Variants in DLG2 observed in about 807,000 individuals in gnomAD.
The protein encoded by DLG2 is discs large MAGUK scaffold protein 2.
In DLG2, 45 loss-of-function variants were observed where a neutral mutation model predicts 132.5. The ratio of observed to expected loss-of-function variants is 0.34; its 90% CI spans 0.27 to 0.44. The LOEUF (loss-of-function observed/expected upper bound fraction) is 0.44. DLG2 is among the 20% of genes least tolerant of loss of function. DLG2 has a pLI of 1.00. For synonymous variants in DLG2, 424 were observed against 419.6 expected (o/e 1.01, Z -0.13); for missense variants, 1,045 against 1,196.9 (o/e 0.87, Z 1.87).
intron 16 of DLG2, among the ~76,000 whole-genome samples, chr11:83,870,585 C>T (rs1303565776): frequency 1.3e-5 from 2 of 152,064 alleles, no homozygotes; most frequent in African/African-American, 4.8e-5. Flanking sequence ...GAAACTGTGC[C>T]CCAAACTAGC....
intron 3 of DLG2, among the ~76,000 whole-genome samples, chr11:85,459,231 G>A (rs894006899): frequency 5.9e-5 from 9 of 152,296 alleles, no homozygotes; most frequent in Admixed American, 2.0e-4. Flanking sequence ...GACTTCAGGA[G>A]CTCTACCTCA....
intron 3 of DLG2, among the ~76,000 whole-genome samples, chr11:85,483,781 TAAAAATACA>T (rs1249300203): frequency 6.7e-6 from 1 of 149,472 alleles, no homozygotes; most frequent in East Asian, 2.0e-4. Context: ...CTGTCTCTAC[TAAAAATACA>T]AAAATTAGCC....
intron 10 of DLG2, among the ~76,000 whole-genome samples, chr11:84,087,053 C>T (rs2096996206): frequency 6.6e-6 from 1 of 152,156 alleles, no homozygotes; most frequent in Non-Finnish European, 1.5e-5. Context: ...TATCCATTCA[C>T]CCATCAATGG....
intron 3 of DLG2, among the ~76,000 whole-genome samples, chr11:85,559,814 TGATTGATA>T (rs1421737762): frequency 8.7e-6 from 1 of 115,452 alleles, no homozygotes; most frequent in African/African-American, 3.1e-5. Flanking sequence ...ATTAGTTAGA[TGATTGATA>T]GATAGATAGA....
intron 27 of DLG2, 96 bp downstream of exon 27, chr11:83,461,906 T>G: frequency 1.2e-6 from 1 of 817,034 alleles, no homozygotes; most frequent in Non-Finnish European, 2.1e-6. Context: ...CAGGAAGGTT[T>G]TAGGGCACAA....
chr11:84,971,302 GAC>G (rs201489238), intron 6 of DLG2, among the ~76,000 whole-genome samples: 1,614 of 152,314 alleles, frequency 0.011, 32 homozygotes, highest in African/African-American at 0.037. Flanking sequence ...AATCAAGCTA[GAC>G]ATGTAACGTT....
intron 3 of DLG2, among the ~76,000 whole-genome samples, chr11:85,573,423 C>G (rs1483459499): frequency 2.0e-5 from 3 of 152,072 alleles, no homozygotes; most frequent in African/African-American, 7.2e-5. Context: ...ATTAGGAGTA[C>G]TGGGATGGTC....
At chr11:84,720,646 T>C (rs2061714108) in intron 6 of DLG2, among the ~76,000 whole-genome samples, 1 of 151,014 alleles carries the variant, frequency 6.6e-6, no homozygotes, top group South Asian at 2.1e-4. Context: ...CCCCCTACGG[T>C]GAATTTGGGG....
chr11:84,048,464 C>T (rs1002698635), intron 11 of DLG2, among the ~76,000 whole-genome samples: 1 of 151,638 alleles, frequency 6.6e-6, no homozygotes, highest in Non-Finnish European at 1.5e-5. Context: ...TTGAACAAAT[C>T]ATTGTTCCAG....
At chr11:84,567,296 C>CA (rs1035221385) in intron 6 of DLG2, among the ~76,000 whole-genome samples, 1 of 152,100 alleles carries the variant, frequency 6.6e-6, no homozygotes, top group Admixed American at 6.6e-5. Context: ...TCTGAAAATT[C>CA]AAATTACTGT....
intron 19 of DLG2, among the ~76,000 whole-genome samples, chr11:83,581,158 A>G (rs1241111891): frequency 6.6e-6 from 1 of 151,968 alleles, no homozygotes; most frequent in East Asian, 1.9e-4. Context: ...CCTATGCCCA[A>G]TATGTGTTGG....
chr11:84,649,344 T>G (rs1023030528), intron 6 of DLG2, among the ~76,000 whole-genome samples: 1 of 152,190 alleles, frequency 6.6e-6, no homozygotes, highest in African/African-American at 2.4e-5. Context: ...TAAAATGAAC[T>G]ATGATACTCA....
intron 3 of DLG2, among the ~76,000 whole-genome samples, chr11:85,497,962 C>G (rs1174859439): frequency 6.6e-6 from 1 of 152,158 alleles, no homozygotes; most frequent in Non-Finnish European, 1.5e-5. Flanking sequence ...CTGGTACCAG[C>G]CACTGCAAAA....
At chr11:85,543,071 G>C (rs954273393) in intron 3 of DLG2, among the ~76,000 whole-genome samples, 9 of 151,984 alleles carry the variant, frequency 5.9e-5, no homozygotes, top group Admixed American at 3.3e-4. Context: ...ATGTGCCATG[G>C]GGGTTTGCTG....
At chr11:84,625,908 A>C (rs1040672366) in intron 6 of DLG2, among the ~76,000 whole-genome samples, 1 of 152,146 alleles carries the variant, frequency 6.6e-6, no homozygotes, top group Non-Finnish European at 1.5e-5. Context: ...TTTTCTCTTA[A>C]ATTTTAAATG....
intron 6 of DLG2, among the ~76,000 whole-genome samples, chr11:84,559,397 TA>T (rs1744183056): frequency 6.6e-6 from 1 of 152,154 alleles, no homozygotes; most frequent in Admixed American, 6.6e-5. Context: ...ATATGTAAAT[TA>T]GTATAATATA....
chr11:85,381,507 A>G (rs1436630588), intron 3 of DLG2, among the ~76,000 whole-genome samples: 1 of 152,174 alleles, frequency 6.6e-6, no homozygotes, highest in African/African-American at 2.4e-5. Flanking sequence ...CAGGGTAATT[A>G]GGCAAGAAAA....
At chr11:83,889,672 C>T (rs1276464128) in intron 15 of DLG2, among the ~76,000 whole-genome samples, 4 of 151,936 alleles carry the variant, frequency 2.6e-5, no homozygotes, top group South Asian at 2.1e-4. Flanking sequence ...ATGTTTATTT[C>T]GGCACTATTC....
intron 18 of DLG2, among the ~76,000 whole-genome samples, chr11:83,744,090 T>C (rs2092736453): frequency 1.3e-5 from 2 of 152,182 alleles, no homozygotes; most frequent in African/African-American, 4.8e-5. Context: ...CATCTTCCTG[T>C]TATCTTTCTA....
Sources: allele counts gnomAD v4.1 joint callset (sites outside exome capture counted in the v4.1 genomes callset), GRCh38; gene constraint gnomAD v4.1.1; transcripts MANE v1.5; gene names NCBI Gene and HGNC (gene_info 2026-07-23, HGNC 2026-07-21).